The following GALNTL6 variants were observed in gnomAD, a reference collection of about 807,000 sequenced individuals.
The protein encoded by GALNTL6 is polypeptide N-acetylgalactosaminyltransferase-like 6.
A neutral mutation model predicts 73.7 loss-of-function variants in GALNTL6; 46 were observed. The observed-to-expected ratio is 0.62, with a 90% CI of 0.49 to 0.80. The LOEUF is 0.80. GALNTL6 is among the 30% of genes least tolerant of loss of function. GALNTL6 has a pLI of 0.00. For synonymous variants in GALNTL6, 259 were observed against 263.7 expected (o/e 0.98, Z 0.17); for missense variants, 604 against 755.0 (o/e 0.80, Z 2.34).
chr4:172,351,268 G>T (rs1364828511), intron 5 of GALNTL6, among the ~76,000 whole-genome samples: 3 of 151,636 alleles, frequency 2.0e-5, no homozygotes, highest in African/African-American at 7.3e-5. Flanking sequence ...ATCAACAGAA[G>T]AATTCATTTA....
At chr4:171,996,705 C>A (rs1252187041) in intron 2 of GALNTL6, among the ~76,000 whole-genome samples, 2 of 135,384 alleles carry the variant, frequency 1.5e-5, no homozygotes, top group Non-Finnish European at 3.1e-5. Flanking sequence ...ATAATATATA[C>A]TAACAATAGC....
chr4:172,264,685 T>TAA (rs1179057290), intron 3 of GALNTL6, among the ~76,000 whole-genome samples: 1 of 148,114 alleles, frequency 6.8e-6, no homozygotes, highest in Non-Finnish European at 1.5e-5. Flanking sequence ...TATATATATA[T>TAA]AATTGGAACA....
chr4:172,882,333 G>A, intron 7 of GALNTL6, among the ~76,000 whole-genome samples: 1 of 152,260 alleles, frequency 6.6e-6, no homozygotes, highest in South Asian at 2.1e-4. Context: ...CATAGTAGAT[G>A]CTTAGTGAAT....
intron 5 of GALNTL6, among the ~76,000 whole-genome samples, chr4:172,360,922 C>G (rs975170279): frequency 6.6e-6 from 1 of 152,130 alleles, no homozygotes; most frequent in Non-Finnish European, 1.5e-5. Flanking sequence ...CAATTGCTTT[C>G]AAGTCCTGCA....
chr4:173,027,698 A>T (rs780037100), intron 12 of GALNTL6, among the ~76,000 whole-genome samples: 1 of 152,246 alleles, frequency 6.6e-6, no homozygotes, highest in Non-Finnish European at 1.5e-5. Context: ...ATATCTAATC[A>T]GTGTAATCAG....
At chr4:172,663,688 G>A (rs2111185809) in intron 5 of GALNTL6, among the ~76,000 whole-genome samples, 1 of 152,290 alleles carries the variant, frequency 6.6e-6, no homozygotes, top group East Asian at 1.9e-4. Flanking sequence ...CAGCACTTTG[G>A]GAGGCTGAGG....
At chr4:172,138,984 A>G (rs941810168) in intron 2 of GALNTL6, among the ~76,000 whole-genome samples, 1 of 152,162 alleles carries the variant, frequency 6.6e-6, no homozygotes, top group Non-Finnish European at 1.5e-5. Context: ...TTAAAAGTAA[A>G]TCTATCTTGT....
chr4:172,113,612 A>G (rs1389885924), intron 2 of GALNTL6, among the ~76,000 whole-genome samples: 1 of 152,102 alleles, frequency 6.6e-6, no homozygotes, highest in Non-Finnish European at 1.5e-5. Flanking sequence ...ATTTCAGTAG[A>G]AATCAAAGAC....
chr4:172,275,570 A>G (rs1738799727), intron 3 of GALNTL6, among the ~76,000 whole-genome samples: 1 of 152,242 alleles, frequency 6.6e-6, no homozygotes, highest in Admixed American at 6.5e-5. Flanking sequence ...CCATCTAATA[A>G]GTGCTCAAAG....
intron 3 of GALNTL6, among the ~76,000 whole-genome samples, chr4:172,256,656 C>G (rs184876466): frequency 1.4e-4 from 21 of 151,426 alleles, no homozygotes; most frequent in African/African-American, 4.6e-4. Flanking sequence ...TCCACTGACT[C>G]TTTTCTCTAC....
intron 7 of GALNTL6, among the ~76,000 whole-genome samples, chr4:172,838,761 C>G (rs956347623): frequency 1.4e-4 from 22 of 152,262 alleles, no homozygotes; most frequent in African/African-American, 5.1e-4. Flanking sequence ...ATATAGGCAC[C>G]AAAGACTCCA....
intron 5 of GALNTL6, among the ~76,000 whole-genome samples, chr4:172,496,781 T>C (rs1415248955): frequency 6.6e-6 from 1 of 152,200 alleles, no homozygotes; most frequent in East Asian, 1.9e-4. Flanking sequence ...GAACTCTTAG[T>C]AGAGATTTAG....
intron 5 of GALNTL6, chr4:172,667,067 G>A (rs952464403): frequency 6.6e-6 from 1 of 152,176 alleles, no homozygotes; most frequent in Non-Finnish European, 1.5e-5. Flanking sequence ...CTGCGTATGT[G>A]GAGTTCAGGC....
At chr4:173,006,106 C>G (rs746248760) in intron 10 of GALNTL6, among the ~76,000 whole-genome samples, 12 of 152,134 alleles carry the variant, frequency 7.9e-5, no homozygotes, top group Non-Finnish European at 1.3e-4. Flanking sequence ...AGGAGCAGAG[C>G]TGCTCCACAT....
chr4:172,492,294 A>G (rs1282721031), intron 5 of GALNTL6, among the ~76,000 whole-genome samples: 1 of 152,178 alleles, frequency 6.6e-6, no homozygotes, highest in Admixed American at 6.5e-5. Flanking sequence ...CAATAAAACC[A>G]ATGAGATTTT....
intron 5 of GALNTL6, among the ~76,000 whole-genome samples, chr4:172,392,113 G>A (rs1018540234): frequency 2.9e-4 from 44 of 151,646 alleles, no homozygotes; most frequent in Non-Finnish European, 3.7e-4. Context: ...CTCAGCCTCC[G>A]GAGTAGCTGG....
At chr4:172,273,295 A>T (rs932516886) in intron 3 of GALNTL6, among the ~76,000 whole-genome samples, 7 of 152,184 alleles carry the variant, frequency 4.6e-5, no homozygotes, top group African/African-American at 1.7e-4. Context: ...TAGTGTGTGC[A>T]TCGTGCATTT....
chr4:172,003,805 T>C (rs1259399735), intron 2 of GALNTL6, among the ~76,000 whole-genome samples: 3 of 152,112 alleles, frequency 2.0e-5, no homozygotes, highest in Admixed American at 6.6e-5. Flanking sequence ...TTATATTGTA[T>C]GGCTAATCAA....
intron 5 of GALNTL6, among the ~76,000 whole-genome samples, chr4:172,750,721 G>A (rs1056803498): frequency 6.6e-6 from 1 of 152,094 alleles, no homozygotes; most frequent in Non-Finnish European, 1.5e-5. Flanking sequence ...TTGCTTCAAG[G>A]TCAAACATAT....
Sources: gnomAD v4.1 joint callset for allele counts (sites outside exome capture counted in the v4.1 genomes callset) on GRCh38, gnomAD v4.1.1 for gene constraint, MANE v1.5 for transcripts, NCBI Gene and HGNC (gene_info 2026-07-23, HGNC 2026-07-21) for gene names.